The following KCNAB1 variants were observed in gnomAD, a reference collection of about 807,000 sequenced individuals.
The protein encoded by KCNAB1 is voltage-gated potassium channel subunit beta-1.
In KCNAB1, 35 loss-of-function variants were observed where a neutral mutation model predicts 64.6. The ratio of observed to expected loss-of-function variants is 0.54; its 90% CI spans 0.41 to 0.72. The LOEUF is 0.72. Ranked by LOEUF, KCNAB1 falls within the 30% of genes least tolerant of loss-of-function variation. The probability of loss-of-function intolerance (pLI) is 0.00; values close to 1 mark genes in which losing one functional copy is unlikely to be tolerated. For synonymous variants in KCNAB1, 177 were observed against 183.8 expected, an observed-to-expected ratio of 0.96 and a Z score of 0.30; for missense variants, 401 against 512.9, an observed-to-expected ratio of 0.78 and a Z score of 2.11.
At chr3:156,187,322 T>C (rs1713267188) in intron 1 of KCNAB1, among the ~76,000 whole-genome samples, 1 of 152,232 alleles carries the variant, frequency 6.6e-6, no homozygotes, top group Non-Finnish European at 1.5e-5. Flanking sequence ...TTATAACTCT[T>C]AGCTCTGAAA....
intron 6 of KCNAB1, 136 bp downstream of exon 6, chr3:156,463,882 C>G: frequency 1.7e-6 from 1 of 593,744 alleles, no homozygotes; most frequent in East Asian, 3.2e-5. Flanking sequence ...TTGTTTTTTT[C>G]TCACACTAAG....
chr3:156,299,436 T>A (rs1291608284), intron 1 of KCNAB1, among the ~76,000 whole-genome samples: 2 of 152,206 alleles, frequency 1.3e-5, no homozygotes, highest in Admixed American at 1.3e-4. Flanking sequence ...AACTTCCAGA[T>A]GATAGCATGC....
intron 1 of KCNAB1, among the ~76,000 whole-genome samples, chr3:156,256,837 T>C (rs1231641642): frequency 6.6e-6 from 1 of 152,174 alleles, no homozygotes; most frequent in East Asian, 1.9e-4. Flanking sequence ...TGGCAGGAGA[T>C]TGGAGGAAGG....
At chr3:156,312,754 T>C (rs1722013197) in intron 1 of KCNAB1, among the ~76,000 whole-genome samples, 1 of 140,898 alleles carries the variant, frequency 7.1e-6, no homozygotes, top group Non-Finnish European at 1.5e-5. Context: ...AAATTAGTTC[T>C]ATGTGCATTC....
At chr3:156,401,303 G>A (rs542016647) in intron 1 of KCNAB1, among the ~76,000 whole-genome samples, 2 of 152,358 alleles carry the variant, frequency 1.3e-5, no homozygotes, top group Admixed American at 1.3e-4. Flanking sequence ...AAACTTGCAA[G>A]TCCCGGATGA....
At chr3:156,504,817 G>T in intron 8 of KCNAB1, among the ~76,000 whole-genome samples, 1 of 142,790 alleles carries the variant, frequency 7.0e-6, no homozygotes, top group Non-Finnish European at 1.5e-5. Flanking sequence ...TTCCTTGTTA[G>T]ATGAATAATT....
At chr3:156,362,535 T>C (rs1725679890) in intron 1 of KCNAB1, among the ~76,000 whole-genome samples, 2 of 152,198 alleles carry the variant, frequency 1.3e-5, no homozygotes, top group Non-Finnish European at 2.9e-5. Context: ...AGTTTCCTCA[T>C]CTGAAAATTG....
At chr3:156,396,270 A>G (rs2108179885) in intron 1 of KCNAB1, among the ~76,000 whole-genome samples, 1 of 152,364 alleles carries the variant, frequency 6.6e-6, no homozygotes, top group South Asian at 2.1e-4. Context: ...GAGCTAGCTC[A>G]GATAAATGTT....
chr3:156,515,245 G>T, intron 10 of KCNAB1, 25 bp downstream of exon 10: 1 of 1,583,892 alleles, frequency 6.3e-7, no homozygotes. Flanking sequence ...AAAAGCTACT[G>T]AGTATTTTTA....
chr3:156,142,180 A>T (rs7629439), intron 1 of KCNAB1, among the ~76,000 whole-genome samples: 1 of 152,028 alleles, frequency 6.6e-6, no homozygotes, highest in Non-Finnish European at 1.5e-5. Flanking sequence ...GTTTGCAAAT[A>T]TTTTCTCCCA....
intron 2 of KCNAB1, among the ~76,000 whole-genome samples, chr3:156,437,481 T>C (rs1716662074): frequency 6.6e-6 from 1 of 152,136 alleles, no homozygotes; most frequent in Admixed American, 6.5e-5. Context: ...CCATAATAAA[T>C]TAATCATTCT....
chr3:156,499,140 G>A (rs777611212), intron 8 of KCNAB1, among the ~76,000 whole-genome samples: 1 of 152,210 alleles, frequency 6.6e-6, no homozygotes, highest in Non-Finnish European at 1.5e-5. Flanking sequence ...ATCTGGGAAC[G>A]CTTTATCAGA....
chr3:156,504,751 G>GT (rs71302274), intron 8 of KCNAB1, among the ~76,000 whole-genome samples: 51,917 of 131,852 alleles, frequency 0.39, 9,801 homozygotes, highest in East Asian at 0.5. Context: ...TGTTTTTTTT[G>GT]TTTTTTTTTT....
chr3:156,138,885 A>T (rs9814661), intron 1 of KCNAB1, among the ~76,000 whole-genome samples: 1 of 151,970 alleles, frequency 6.6e-6, no homozygotes, highest in Non-Finnish European at 1.5e-5. Flanking sequence ...GTGAGCTTCT[A>T]TATGTGGCTT....
chr3:156,327,825 T>A (rs182563123), intron 1 of KCNAB1, among the ~76,000 whole-genome samples: 3 of 152,210 alleles, frequency 2.0e-5, no homozygotes, highest in Non-Finnish European at 4.4e-5. Flanking sequence ...TCCAGATAGG[T>A]GGCTTTCTTC....
intron 1 of KCNAB1, among the ~76,000 whole-genome samples, chr3:156,169,404 C>T (rs1711817780): frequency 6.6e-6 from 1 of 152,104 alleles, no homozygotes; most frequent in African/African-American, 2.4e-5. Flanking sequence ...ATGTTTGGAC[C>T]CTCCTCAGGA....
chr3:156,438,182 C>T (rs535888431), intron 2 of KCNAB1, among the ~76,000 whole-genome samples: 1 of 152,318 alleles, frequency 6.6e-6, no homozygotes, highest in South Asian at 2.1e-4. Flanking sequence ...GGTGGCCTGG[C>T]TCCCCACCTA....
intron 8 of KCNAB1, among the ~76,000 whole-genome samples, chr3:156,486,029 C>T (rs577863412): frequency 1.6e-4 from 25 of 152,150 alleles, no homozygotes; most frequent in African/African-American, 1.7e-4. Context: ...GTTGATCACT[C>T]GATTCAAGTG....
intron 1 of KCNAB1, among the ~76,000 whole-genome samples, chr3:156,382,524 C>G (rs1207934734): frequency 6.6e-6 from 1 of 152,064 alleles, no homozygotes; most frequent in Non-Finnish European, 1.5e-5. Flanking sequence ...AAAAAACCAA[C>G]CAACCAACCA....
Sources: allele counts gnomAD v4.1 joint callset (sites outside exome capture counted in the v4.1 genomes callset), GRCh38; gene constraint gnomAD v4.1.1; transcripts MANE v1.5; gene names NCBI Gene and HGNC (gene_info 2026-07-23, HGNC 2026-07-21).